GALNT10: variants seen among roughly 807,000 people sequenced by gnomAD.
GALNT10 encodes GalNAc transferase 10.
GALNT10 carries 41 observed loss-of-function variants against 75.0 expected under a neutral mutation model. That is an observed-to-expected ratio of 0.55 (90% confidence interval 0.43 to 0.71). The LOEUF (loss-of-function observed/expected upper bound fraction) is 0.71. Ranked by LOEUF, GALNT10 falls within the 30% of genes least tolerant of loss-of-function variation. GALNT10 has a pLI of 0.00. For missense variants in GALNT10, 727 were observed against 818.5 expected (o/e 0.89, Z 1.36); for synonymous variants, 302 against 313.0 (o/e 0.96, Z 0.37).
chr5:154,359,038 C>T (rs1755342106), intron 4 of GALNT10, among the ~76,000 whole-genome samples: 1 of 152,052 alleles, frequency 6.6e-6, no homozygotes, highest in African/African-American at 2.4e-5. Context: ...TGAAGGTTAC[C>T]AAGAAAAATA....
At chr5:154,212,488 C>A (rs1359332862) in intron 1 of GALNT10, among the ~76,000 whole-genome samples, 2 of 152,208 alleles carry the variant, frequency 1.3e-5, no homozygotes, top group Admixed American at 6.5e-5. Flanking sequence ...TCATTTAATG[C>A]TTTGAACTAC....
At chr5:154,341,842 G>A (rs1412879102) in intron 4 of GALNT10, among the ~76,000 whole-genome samples, 1 of 152,216 alleles carries the variant, frequency 6.6e-6, no homozygotes, top group Non-Finnish European at 1.5e-5. Flanking sequence ...GCAGGGGGAT[G>A]GAGAACGTAG....
At chr5:154,307,925 G>C (rs1027057665) in intron 3 of GALNT10, among the ~76,000 whole-genome samples, 1 of 147,196 alleles carries the variant, frequency 6.8e-6, no homozygotes, top group Non-Finnish European at 1.5e-5. Flanking sequence ...TAACAATAAA[G>C]TATGAAAAGA....
chr5:154,239,876 A>G (rs1318315002), intron 1 of GALNT10, among the ~76,000 whole-genome samples: 3 of 152,244 alleles, frequency 2.0e-5, no homozygotes, highest in Non-Finnish European at 4.4e-5. Flanking sequence ...ATTGATATCC[A>G]TGACTCTTGT....
chr5:154,382,805 T>C (rs571312778), intron 6 of GALNT10, among the ~76,000 whole-genome samples: 27 of 152,332 alleles, frequency 1.8e-4, no homozygotes, highest in African/African-American at 6.3e-4. Context: ...TCTTGGCCCA[T>C]CGTTATCCTC....
chr5:154,338,475 A>G, intron 4 of GALNT10: 1 of 273,774 alleles, frequency 3.7e-6, no homozygotes, highest in Non-Finnish European at 7.1e-6. Flanking sequence ...AGGAGACTTT[A>G]ATGGTGCTTC....
At chr5:154,307,575 G>T (rs542209938) in intron 3 of GALNT10, among the ~76,000 whole-genome samples, 1 of 149,056 alleles carries the variant, frequency 6.7e-6, no homozygotes, top group Non-Finnish European at 1.5e-5. Context: ...AGTCGAGATC[G>T]CACCACTGCA....
chr5:154,218,076 G>A (rs1345786632), intron 1 of GALNT10: 3 of 985,114 alleles, frequency 3.0e-6, no homozygotes. Flanking sequence ...CTGAGACCAG[G>A]ATTATTCCCA....
At chr5:154,275,717 T>C (rs971723480) in intron 1 of GALNT10, among the ~76,000 whole-genome samples, 1 of 152,182 alleles carries the variant, frequency 6.6e-6, no homozygotes, top group Admixed American at 6.5e-5. Context: ...TGTCGACCTC[T>C]CCATAGAGGA....
At chr5:154,252,724 C>T (rs1190094722) in intron 1 of GALNT10, among the ~76,000 whole-genome samples, 2 of 151,904 alleles carry the variant, frequency 1.3e-5, no homozygotes, top group Non-Finnish European at 2.9e-5. Flanking sequence ...TTTGTGCTTT[C>T]AAATCTTCTT....
chr5:154,208,490 C>T (rs1464824379), intron 1 of GALNT10, among the ~76,000 whole-genome samples: 3 of 151,898 alleles, frequency 2.0e-5, no homozygotes, highest in Admixed American at 6.6e-5. Context: ...TTCTCTCTCT[C>T]ATTTCTTACA....
intron 1 of GALNT10, among the ~76,000 whole-genome samples, chr5:154,210,805 T>G (rs1561629737): frequency 6.6e-6 from 1 of 152,256 alleles, no homozygotes; most frequent in Non-Finnish European, 1.5e-5. Context: ...ATATGAACTG[T>G]AGATTAGATA....
At chr5:154,198,387 G>T (rs367853860) in intron 1 of GALNT10, among the ~76,000 whole-genome samples, 1 of 152,238 alleles carries the variant, frequency 6.6e-6, no homozygotes, top group East Asian at 1.9e-4. Flanking sequence ...CGCTGCCTTT[G>T]TGAAGTGCCT....
intron 1 of GALNT10, among the ~76,000 whole-genome samples, chr5:154,262,876 T>C (rs2443525): frequency 0.24 from 37,068 of 151,868 alleles, 5,492 homozygotes; most frequent in African/African-American, 0.42. Context: ...AGAAGACTGG[T>C]GAATTGGTCC....
intron 4 of GALNT10, chr5:154,337,650 T>C: frequency 1.0e-6 from 1 of 989,582 alleles, no homozygotes; most frequent in Non-Finnish European, 1.6e-6. Context: ...AAAATCATTG[T>C]AGCTTCCATC....
chr5:154,367,261 A>G (rs1210450892), intron 4 of GALNT10, among the ~76,000 whole-genome samples: 1 of 152,226 alleles, frequency 6.6e-6, no homozygotes, highest in Non-Finnish European at 1.5e-5. Flanking sequence ...GACATGTAGA[A>G]TCAGAATCTG....
intron 1 of GALNT10, among the ~76,000 whole-genome samples, chr5:154,253,001 G>GT (rs1228485960): frequency 1.4e-4 from 13 of 90,266 alleles, no homozygotes; most frequent in African/African-American, 4.2e-4. Flanking sequence ...GTTTTTTAGT[G>GT]GTTTTTTTTT....
chr5:154,268,410 C>T (rs1048771269), intron 1 of GALNT10, among the ~76,000 whole-genome samples: 1 of 152,134 alleles, frequency 6.6e-6, no homozygotes, highest in African/African-American at 2.4e-5. Context: ...CAACTTCTTA[C>T]CACAGAGGTA....
intron 4 of GALNT10, among the ~76,000 whole-genome samples, chr5:154,373,968 A>G (rs1755615803): frequency 6.6e-6 from 1 of 152,186 alleles, no homozygotes; most frequent in Non-Finnish European, 1.5e-5. Context: ...GGTGTGTGGT[A>G]CAGGAGATTA....
Sources: gnomAD v4.1 joint callset for allele counts (sites outside exome capture counted in the v4.1 genomes callset) on GRCh38, gnomAD v4.1.1 for gene constraint, MANE v1.5 for transcripts, NCBI Gene and HGNC (gene_info 2026-07-23, HGNC 2026-07-21) for gene names.